CEP112: variants seen among roughly 807,000 people sequenced by gnomAD.
The protein encoded by CEP112 is centrosomal protein 112, also known as centrosomal protein of 112 kDa.
A neutral mutation model predicts 153.0 loss-of-function variants in CEP112; 127 were observed. That is an observed-to-expected ratio of 0.83 (90% CI 0.72 to 0.96). CEP112 has a LOEUF of 0.96. Among genes scored for constraint, CEP112 ranks in the 40% least tolerant of loss-of-function variants. CEP112 has a pLI of 0.00. For missense variants in CEP112, 1,089 were observed against 1,101.2 expected, an observed-to-expected ratio of 0.99 and a Z score of 0.16; for synonymous variants, 358 against 374.4, an observed-to-expected ratio of 0.96 and a Z score of 0.51.
intron 16 of CEP112, among the ~76,000 whole-genome samples, chr17:66,018,051 A>C (rs2064847289): frequency 6.6e-6 from 1 of 152,186 alleles, no homozygotes; most frequent in African/African-American, 2.4e-5. Flanking sequence ...TAAAGAACAA[A>C]CAACCTAGAA....
At chr17:66,186,182 T>G (rs919134016) in intron 1 of CEP112, among the ~76,000 whole-genome samples, 1 of 152,106 alleles carries the variant, frequency 6.6e-6, no homozygotes, top group Admixed American at 6.6e-5. Context: ...CCAAAATCCC[T>G]CATGAGGCTC....
intron 18 of CEP112, among the ~76,000 whole-genome samples, chr17:65,937,082 T>C (rs1352569165): frequency 2.0e-5 from 3 of 148,984 alleles, no homozygotes; most frequent in Non-Finnish European, 3.0e-5. Context: ...CCTCCCGAGG[T>C]GCCAGGATTG....
At chr17:65,795,081 C>G (rs909272639) in intron 21 of CEP112, among the ~76,000 whole-genome samples, 1 of 152,156 alleles carries the variant, frequency 6.6e-6, no homozygotes, top group Admixed American at 6.5e-5. Flanking sequence ...CAACACAAAA[C>G]CTATGAGGCT....
At chr17:66,030,752 C>G (rs2065428826) in intron 12 of CEP112, among the ~76,000 whole-genome samples, 1 of 152,056 alleles carries the variant, frequency 6.6e-6, no homozygotes, top group African/African-American at 2.4e-5. Context: ...GATACTTTAT[C>G]TAAAATTAGG....
intron 24 of CEP112, among the ~76,000 whole-genome samples, chr17:65,674,938 T>C (rs1269760207): frequency 6.6e-6 from 1 of 152,134 alleles, no homozygotes; most frequent in African/African-American, 2.4e-5. Context: ...AACCAAGACA[T>C]AGGTCCAACA....
At chr17:65,640,908 T>A (rs934550845) in intron 25 of CEP112, 56 bp downstream of exon 25, 2 of 963,332 alleles carry the variant, frequency 2.1e-6, no homozygotes, top group African/African-American at 3.3e-5. Flanking sequence ...TATTTGCAAG[T>A]TTCTTTTCAG....
At chr17:66,029,674 G>C (rs1161171326) in intron 13 of CEP112, among the ~76,000 whole-genome samples, 195 bp downstream of exon 13, 1 of 152,066 alleles carries the variant, frequency 6.6e-6, no homozygotes, top group Non-Finnish European at 1.5e-5. Context: ...CTGTACCCCA[G>C]TCTGGGTGAC....
At chr17:66,066,552 T>A (rs1419685254) in intron 10 of CEP112, among the ~76,000 whole-genome samples, 1 of 138,390 alleles carries the variant, frequency 7.2e-6, no homozygotes, top group Non-Finnish European at 1.5e-5. Context: ...TACTACTCCA[T>A]CACTGTCACT....
intron 24 of CEP112, among the ~76,000 whole-genome samples, chr17:65,676,065 G>A (rs148880734): frequency 5.3e-4 from 81 of 152,274 alleles, no homozygotes; most frequent in African/African-American, 1.8e-3. Context: ...AAGGCCAGGC[G>A]CAGTGGTTCA....
At chr17:65,742,420 T>C (rs1320702942) in intron 23 of CEP112, among the ~76,000 whole-genome samples, 2 of 152,186 alleles carry the variant, frequency 1.3e-5, no homozygotes, top group South Asian at 4.1e-4. Context: ...AAACCCAGTA[T>C]GATGTAGACA....
intron 21 of CEP112, among the ~76,000 whole-genome samples, chr17:65,800,164 T>A (rs997986717): frequency 6.6e-6 from 1 of 152,170 alleles, no homozygotes; most frequent in Non-Finnish European, 1.5e-5. Context: ...TTTAAGAGTA[T>A]ACATTTTAAT....
chr17:65,920,840 C>A (rs1240431923), intron 19 of CEP112, among the ~76,000 whole-genome samples: 1 of 152,012 alleles, frequency 6.6e-6, no homozygotes, highest in Non-Finnish European at 1.5e-5. Context: ...ATCTCTGAGG[C>A]TTTCTGTCTT....
At chr17:65,651,306 T>G (rs1228693682) in intron 24 of CEP112, among the ~76,000 whole-genome samples, 1 of 152,218 alleles carries the variant, frequency 6.6e-6, no homozygotes, top group Non-Finnish European at 1.5e-5. Flanking sequence ...CTATTGCATA[T>G]AGACCACAGT....
chr17:66,170,018 T>A (rs941707709), intron 4 of CEP112, among the ~76,000 whole-genome samples: 1 of 152,196 alleles, frequency 6.6e-6, no homozygotes, highest in Non-Finnish European at 1.5e-5. Context: ...GTCAGCAGCA[T>A]TCCGTTCCTT....
At chr17:66,044,018 CAG>C (rs1174198852) in intron 12 of CEP112, among the ~76,000 whole-genome samples, 1 of 152,144 alleles carries the variant, frequency 6.6e-6, no homozygotes, top group African/African-American at 2.4e-5. Context: ...ATCCTGCTGA[CAG>C]ACTCCGTCCA....
At chr17:66,168,024 T>C (rs1249007361) in intron 4 of CEP112, among the ~76,000 whole-genome samples, 1 of 152,202 alleles carries the variant, frequency 6.6e-6, no homozygotes, top group African/African-American at 2.4e-5. Context: ...TGTATATATA[T>C]CTGTTATACA....
chr17:65,804,865 A>AT (rs558599675), intron 21 of CEP112, among the ~76,000 whole-genome samples: 229 of 144,892 alleles, frequency 1.6e-3, no homozygotes, highest in South Asian at 5.7e-3. Flanking sequence ...TGTACAATTA[A>AT]TTTTTTTTTT....
Position 66,069,896 on chromosome 17 carries a change from C to T in CEP112, c.855+19G>A, listed in dbSNP as rs765796573. The T allele has an allele frequency of 1.4e-6, 2 of 1,422,978 alleles. No individual in the cohort carries two copies. Among genetic ancestry groups the T allele is most frequent in the South Asian group, 2.4e-5 (2 of 82,368 alleles). 88.1% of individuals were successfully genotyped at this position (1,422,978 alleles called of 1,614,324 possible). ...TTTTTAGTGTTCAATATAATTAAAA[C>T]ACGAGATATATATCCTACCTTCTGA... is the stretch of plus-strand genomic sequence containing the variant. On this transcript the variant is annotated intron_variant, in intron 9 of 26. Coordinates refer to ENST00000535342, the MANE Select transcript of CEP112 (RefSeq NM_001199165.4).
At chr17:66,169,029 T>A (rs2072122654) in intron 4 of CEP112, among the ~76,000 whole-genome samples, 1 of 152,172 alleles carries the variant, frequency 6.6e-6, no homozygotes, top group Non-Finnish European at 1.5e-5. Context: ...TCGTATAATG[T>A]CTGATTAAAA....
Sources: gnomAD v4.1 joint callset for allele counts (sites outside exome capture counted in the v4.1 genomes callset) on GRCh38, gnomAD v4.1.1 for gene constraint, MANE v1.5 for transcripts, NCBI Gene and HGNC (gene_info 2026-07-23, HGNC 2026-07-21) for gene names.